Variants in SLC6A14 observed in about 807,000 individuals in gnomAD.
The protein encoded by SLC6A14 is solute carrier family 6 member 14.
Under a neutral mutation model 51.4 loss-of-function variants are expected in SLC6A14, and 21 were observed. The ratio of observed to expected loss-of-function variants is 0.41; its 90% CI spans 0.29 to 0.59. The LOEUF (loss-of-function observed/expected upper bound fraction) is 0.59, where lower values mean the gene tolerates loss of function less well. Ranked by LOEUF, SLC6A14 falls within the 20% of genes least tolerant of loss-of-function variation. The pLI, the probability that SLC6A14 is intolerant of heterozygous loss-of-function variation, is 0.31. For synonymous variants in SLC6A14, 177 were observed against 160.7 expected, an observed-to-expected ratio of 1.10 and a Z score of -0.77; for missense variants, 371 against 472.8, an observed-to-expected ratio of 0.78 and a Z score of 2.00.
rs59036084 is a variant in SLC6A14, at chrX:116,450,088, G to A, written c.931-1354G>A. 5.8e-3 allele frequency among the ~76,000 whole-genome samples: 641 copies of A among 111,201 alleles called. 5 individuals carry two copies. The highest frequency in any genetic ancestry group is 0.019 in the African/African-American group (589 of 30,634). ...TACCTTTATAACCTTGGGCTTAGCC[G>A]TTTTTTAAAAGTAATAGAGATCAAG... On this transcript the variant is annotated intron_variant, in intron 7 of 13. Coordinates refer to ENST00000598581, the MANE Select transcript of SLC6A14 (RefSeq NM_007231.5).
At chrX:116,442,350 C>T (rs1372419140) in intron 3 of SLC6A14, among the ~76,000 whole-genome samples, 2 of 111,614 alleles carry the variant, frequency 1.8e-5, no homozygotes, top group Non-Finnish European at 3.8e-5. Context: ...CAGCAACCTC[C>T]GCCTCCCAAG....
chrX:116,452,559 T>C (rs1927843941), intron 8 of SLC6A14, among the ~76,000 whole-genome samples: 1 of 111,973 alleles, frequency 8.9e-6, no homozygotes, highest in African/African-American at 3.2e-5. Context: ...CATATAGTGA[T>C]TCTGGGTAAA....
In SLC6A14 at chrX:116,446,771, G is replaced by A; in HGVS notation, c.820G>A (p.Val274Met). ...ATATTTTACAGCTCTTTTCCCCTAT[G>A]TGGTCCTACTCATCCTGTTAGTACG... ...VVYFTALFPYVVLLILLVRGA... is the reference protein window; with the variant it reads ...VVYFTALFPYMVLLILLVRGA... The change falls in exon 7 of 14, where the codon GTG becomes ATG. Residue 274 changes from valine (V) to methionine (M), a missense_variant. Physicochemically the swap from Val to Met is conservative, Grantham distance 21. Coordinates refer to ENST00000598581, the MANE Select transcript of SLC6A14 (RefSeq NM_007231.5). 2 of 1,203,522 alleles carry A rather than the reference G, an allele frequency of 1.7e-6. No homozygotes were observed. The highest frequency in any genetic ancestry group is 2.3e-6 in the Non-Finnish European group (2 of 888,624).
At chrX:116,449,524 C>A (rs1478221554) in intron 7 of SLC6A14, among the ~76,000 whole-genome samples, 2 of 111,697 alleles carry the variant, frequency 1.8e-5, no homozygotes, top group Non-Finnish European at 3.8e-5. Context: ...ACACAATTTT[C>A]TAAAATATAA....
chrX:116,447,879 G>A (rs1927748988), intron 7 of SLC6A14, among the ~76,000 whole-genome samples: 1 of 111,270 alleles, frequency 9.0e-6, no homozygotes, highest in South Asian at 3.8e-4. Flanking sequence ...TTACAGGTGT[G>A]AGCCACCGCA....
At chrX:116,455,735 A>C (rs782780894) in intron 12 of SLC6A14, among the ~76,000 whole-genome samples, 1 of 111,505 alleles carries the variant, frequency 9.0e-6, no homozygotes, top group Non-Finnish European at 1.9e-5. Context: ...AAATTTATCA[A>C]TACAAAAAAT....
At chrX:116,450,755 G>A (rs1388267230) in intron 7 of SLC6A14, among the ~76,000 whole-genome samples, 3 of 111,219 alleles carry the variant, frequency 2.7e-5, no homozygotes, top group Non-Finnish European at 5.7e-5. Context: ...TGGCCAACAT[G>A]GTGAAACTCC....
chrX:116,451,268 G>A (rs1367590368), intron 7 of SLC6A14, among the ~76,000 whole-genome samples, 174 bp from the exon 8 acceptor site: 2 of 111,224 alleles, frequency 1.8e-5, no homozygotes, highest in African/African-American at 3.3e-5. Flanking sequence ...TGATGAGGGA[G>A]GGGTACAAAA....
At position 116,437,798 on chromosome X, in the gene SLC6A14, G is replaced by A. The variant is rs781887297; in HGVS notation, c.57G>A (p.Ser19=). ...FFKCREKEKV[S]ASSENFHVGE... ...TATTTTTTCTTCCCCAGAAAGTGTC[G>A]GCTTCATCAGAGAATTTCCATGTTG... The change falls in exon 2 of 14, where the codon TCG becomes TCA. Residue 19 remains serine (S), a synonymous_variant. Transcript: ENST00000598581. 9.2e-6 allele frequency: 11 copies of A among 1,201,075 alleles called. No individual in the cohort carries two copies. Among genetic ancestry groups the A allele is most frequent in the Admixed American group, 2.3e-5 (1 of 44,304 alleles).
intron 6 of SLC6A14, among the ~76,000 whole-genome samples, chrX:116,445,457 GGAGAGA>G (rs4068397): frequency 0.024 from 1,587 of 66,968 alleles, 53 homozygotes; most frequent in African/African-American, 0.073. Flanking sequence ...TCCCCTAGTC[GGAGAGA>G]GAGAGAGAGA....
intron 2 of SLC6A14, among the ~76,000 whole-genome samples, chrX:116,440,194 A>G (rs149359221): frequency 0.014 from 1,609 of 112,013 alleles, 30 homozygotes; most frequent in African/African-American, 0.05. Flanking sequence ...GGAAAGAAAA[A>G]AAAAGGAAAA....
At chrX:116,444,371 G>A (rs782366519) in intron 5 of SLC6A14, among the ~76,000 whole-genome samples, 233 of 110,993 alleles carry the variant, frequency 2.1e-3, no homozygotes, top group African/African-American at 7.2e-3. Context: ...TTAAACTTTG[G>A]ATCTTCAAAT....
chrX:116,456,418 A>T (rs782415952), intron 12 of SLC6A14, among the ~76,000 whole-genome samples: 1 of 110,944 alleles, frequency 9.0e-6, no homozygotes, highest in African/African-American at 3.3e-5. Context: ...ATATTTGGAT[A>T]TTCCATATTT....
chrX:116,437,706 G>C (rs1352205432), intron 1 of SLC6A14, 84 bp from the exon 2 acceptor site: 14 of 953,038 alleles, frequency 1.5e-5, no homozygotes, highest in Non-Finnish European at 2.0e-5. Context: ...CCCATTTTCT[G>C]TTGCTCTATG....
chrX:116,457,618 A>T lies in SLC6A14; in HGVS notation c.1624A>T (p.Ile542Phe). 8.3e-7 allele frequency: 1 copy of T among 1,205,929 alleles called. No homozygotes were observed. The highest frequency in any genetic ancestry group is 1.7e-5 in the African/African-American group (1 of 57,657). ...TATTTAACTTTGACAGGCAATATTT[A>T]TCTGGTCATTGGTGCAATTTCATAG... ...ITPILLIAIF[I>F]WSLVQFHRPN... The change falls in exon 13 of 14, where the codon ATC (isoleucine) becomes TTC (phenylalanine). Residue 542 changes from isoleucine (I) to phenylalanine (F), a missense_variant. By Grantham distance (21) the Ile-to-Phe change is conservative (BLOSUM62 0). Transcript: ENST00000598581.
At chrX:116,441,183 T>G in intron 3 of SLC6A14, 86 bp downstream of exon 3, 1 of 965,729 alleles carries the variant, frequency 1.0e-6, no homozygotes, top group African/African-American at 1.9e-5. Flanking sequence ...ACCTTCACTG[T>G]GAGGAACAAA....
chrX:116,460,601 T>A lies in SLC6A14; in HGVS notation c.*1646T>A, dbSNP rs1341135494. Reference sequence around the variant, plus strand: ...TGGGGGGCTGGGGGTCAGAGTCTTGTTCTGTTGCCCGGGCTGGAGTGCAGT... The same window carrying A: ...TGGGGGGCTGGGGGTCAGAGTCTTGATCTGTTGCCCGGGCTGGAGTGCAGT... On this transcript the variant is annotated 3_prime_UTR_variant, in exon 14 of 14. Coordinates refer to ENST00000598581, the MANE Select transcript of SLC6A14 (RefSeq NM_007231.5). 9.6e-6 allele frequency: 1 copy of A among 104,159 alleles called. No individual in the cohort carries two copies. The highest frequency in any genetic ancestry group is 2.0e-5 in the Non-Finnish European group (1 of 50,883). 8.6% of individuals were successfully genotyped at this position (104,159 alleles called of 1,213,427 possible).
rs782508768 is a variant in SLC6A14 at position 116,459,628 on chromosome X, A to C, written c.*673A>C. 8.9e-6 allele frequency: 1 copy of C among 112,089 alleles called. No homozygotes were observed. Among genetic ancestry groups the C allele is most frequent in the Non-Finnish European group, 1.9e-5 (1 of 53,065 alleles). 9.2% of individuals were successfully genotyped at this position (112,089 alleles called of 1,213,427 possible). A position where few individuals can be genotyped will look rare whatever the true frequency, so the allele number is the denominator to read the frequency against. On this transcript the variant is annotated 3_prime_UTR_variant, in exon 14 of 14. Coordinates refer to ENST00000598581, the MANE Select transcript of SLC6A14 (RefSeq NM_007231.5). ...AGGATCCTACAGCCAGTAAGTGATA[A>C]ATCTAGAAAATTGAGTTTTGAGTAC...
intron 6 of SLC6A14, among the ~76,000 whole-genome samples, 186 bp downstream of exon 6, chrX:116,445,236 A>C (rs1556693932): frequency 9.1e-6 from 1 of 110,168 alleles, no homozygotes; most frequent in East Asian, 2.8e-4. Flanking sequence ...GCTAAATACA[A>C]AACAAACAAA....
Sources: gnomAD v4.1 joint callset for allele counts (sites outside exome capture counted in the v4.1 genomes callset) on GRCh38, gnomAD v4.1.1 for gene constraint, MANE v1.5 for transcripts, NCBI Gene and HGNC (gene_info 2026-07-23, HGNC 2026-07-21) for gene names.